Variants in HMGCLL1 observed in about 807,000 individuals in gnomAD.
The protein encoded by HMGCLL1 is 3-hydroxymethyl-3-methylglutaryl-CoA lyase, cytoplasmic.
A neutral mutation model predicts 39.1 loss-of-function variants in HMGCLL1; 36 were observed. The ratio of observed to expected loss-of-function variants is 0.92; its 90% CI spans 0.71 to 1.22. The LOEUF (loss-of-function observed/expected upper bound fraction) is 1.22, where lower values mean the gene tolerates loss of function less well. HMGCLL1 is among the 50% of genes most tolerant of loss of function. HMGCLL1 has a pLI of 0.00. For synonymous variants in HMGCLL1, 149 were observed against 144.0 expected (o/e 1.03, Z -0.25); for missense variants, 451 against 416.5 (o/e 1.08, Z -0.72).
Position 55,574,799 on chromosome 6 carries a change from T to C in HMGCLL1, c.108+4149A>G, listed in dbSNP as rs577198767. 3.9e-5 allele frequency among the ~76,000 whole-genome samples: 6 copies of C among 152,152 alleles called. No individual in the cohort carries two copies. In the South Asian group the frequency reaches 1.2e-3, roughly 31 times the overall value. ...TTATTACATTTAAGCAGAAATATAA[T>C]ACATTTAAATTCCAGAGACCCTTTA... is the stretch of plus-strand genomic sequence containing the variant. On this transcript the variant is annotated intron_variant, in intron 1 of 8. Coordinates refer to ENST00000274901, the MANE Select transcript of HMGCLL1 (RefSeq NM_001042406.2).
chr6:55,531,672 A>G (rs1053238099), intron 3 of HMGCLL1, among the ~76,000 whole-genome samples: 17 of 152,286 alleles, frequency 1.1e-4, no homozygotes, highest in African/African-American at 4.1e-4. Flanking sequence ...GGTGAGCAGC[A>G]GGAGAGCAAG....
intron 7 of HMGCLL1, among the ~76,000 whole-genome samples, chr6:55,440,539 T>C (rs1258880930): frequency 6.6e-6 from 1 of 152,046 alleles, no homozygotes; most frequent in East Asian, 1.9e-4. Flanking sequence ...GTTAATAATA[T>C]GAGAAGAACA....
chr6:55,457,416 G>A (rs1764370776), intron 7 of HMGCLL1, among the ~76,000 whole-genome samples: 1 of 152,132 alleles, frequency 6.6e-6, no homozygotes, highest in South Asian at 2.1e-4. Context: ...ACTTGTTAAG[G>A]AGGATTTTCC....
chr6:55,527,407 G>T (rs1768378387), intron 3 of HMGCLL1, among the ~76,000 whole-genome samples: 1 of 152,024 alleles, frequency 6.6e-6, no homozygotes, highest in Non-Finnish European at 1.5e-5. Flanking sequence ...ATCCTAACAA[G>T]TTTGGGAATC....
chr6:55,554,627 G>A (rs1770552898), intron 1 of HMGCLL1, among the ~76,000 whole-genome samples: 1 of 151,902 alleles, frequency 6.6e-6, no homozygotes, highest in South Asian at 2.1e-4. Context: ...AAATTATAAG[G>A]GCAATGAAAT....
At chr6:55,482,756 T>C (rs976968090) in intron 7 of HMGCLL1, among the ~76,000 whole-genome samples, 8 of 152,084 alleles carry the variant, frequency 5.3e-5, no homozygotes, top group African/African-American at 1.9e-4. Flanking sequence ...TCTCAAAGCA[T>C]CCTCTTCAAA....
chr6:55,459,362 A>G (rs958504823), intron 7 of HMGCLL1, among the ~76,000 whole-genome samples: 2 of 152,156 alleles, frequency 1.3e-5, no homozygotes, highest in Non-Finnish European at 2.9e-5. Flanking sequence ...GAAGAAAATT[A>G]TTTTAGACTG....
intron 1 of HMGCLL1, among the ~76,000 whole-genome samples, chr6:55,571,376 T>A (rs183228777): frequency 2.0e-4 from 31 of 152,314 alleles, no homozygotes; most frequent in Admixed American, 1.8e-3. Context: ...CTTTAAAATA[T>A]ATATTTTGCT....
the HMGCLL1 span, among the ~76,000 whole-genome samples, chr6:55,617,634 G>A: frequency 4.8e-4 from 73 of 152,074 alleles, no homozygotes; most frequent in Non-Finnish European, 8.1e-4. Flanking sequence ...AACACCGTTG[G>A]TTGGCGAGAA....
chr6:55,441,152 G>A (rs1046303485), intron 7 of HMGCLL1, among the ~76,000 whole-genome samples: 1 of 152,030 alleles, frequency 6.6e-6, no homozygotes. Flanking sequence ...GGAGTGGGGT[G>A]GGGGTCAGTG....
At chr6:55,563,733 G>A (rs1198317731) in intron 1 of HMGCLL1, 1 of 470,996 alleles carries the variant, frequency 2.1e-6, no homozygotes, top group African/African-American at 2.0e-5. Context: ...AGCTAAATAA[G>A]AGTTCATACA....
At chr6:55,640,605 G>A in the HMGCLL1 span, among the ~76,000 whole-genome samples, 5 of 151,748 alleles carry the variant, frequency 3.3e-5, no homozygotes, top group Non-Finnish European at 7.4e-5. Context: ...AAAGGAGAGA[G>A]TGATATTTGA....
At chr6:55,477,927 C>T (rs1035012306) in intron 7 of HMGCLL1, among the ~76,000 whole-genome samples, 1 of 150,910 alleles carries the variant, frequency 6.6e-6, no homozygotes, top group Non-Finnish European at 1.5e-5. Flanking sequence ...TTGTAAAAAT[C>T]AAACAGAGTC....
Position 55,435,668 on chromosome 6 carries a change from A to G in HMGCLL1, c.1017T>C (p.Asn339=). The change falls in exon 9 of 9, where the codon AAT becomes AAC. Residue 339 remains asparagine, a synonymous_variant. Transcript: ENST00000274901. ...CGTCATAAATCCATTCAAGTCAAGC[A>G]TTGAAGGAGGCTTGTGCTACTTTAG... The part of the protein sequence containing the change: ...TNSKVAQASF[N]A 2 of 1,579,524 alleles carry G rather than the reference A, an allele frequency of 1.3e-6. No individual in the cohort carries two copies. Among genetic ancestry groups the G allele is most frequent in the Non-Finnish European group, 1.7e-6 (2 of 1,155,068 alleles).
At chr6:55,612,875 G>A in the HMGCLL1 span, among the ~76,000 whole-genome samples, 1 of 152,070 alleles carries the variant, frequency 6.6e-6, no homozygotes, top group African/African-American at 2.4e-5. Context: ...ATACCATTCA[G>A]GGTCATAGGC....
At chr6:55,514,539 T>C (rs546367818) in intron 4 of HMGCLL1, among the ~76,000 whole-genome samples, 16 of 152,260 alleles carry the variant, frequency 1.1e-4, no homozygotes, top group African/African-American at 3.6e-4. Flanking sequence ...ATAAAACCCT[T>C]ATCCTCCATG....
the HMGCLL1 span, among the ~76,000 whole-genome samples, chr6:55,667,507 T>G: frequency 4.0e-5 from 6 of 151,824 alleles, no homozygotes; most frequent in East Asian, 7.8e-4. Flanking sequence ...AGCTAATAAG[T>G]GACAAGAAAC....
At chr6:55,457,548 T>C (rs748985141) in intron 7 of HMGCLL1, among the ~76,000 whole-genome samples, 21 of 152,280 alleles carry the variant, frequency 1.4e-4, no homozygotes, top group South Asian at 2.1e-4. Context: ...GAGAAATTCA[T>C]TGGTTCCCTT....
intron 7 of HMGCLL1, among the ~76,000 whole-genome samples, chr6:55,492,827 C>T (rs563825316): frequency 1.3e-5 from 2 of 152,026 alleles, no homozygotes; most frequent in African/African-American, 2.4e-5. Context: ...CCTTCTGCCC[C>T]AGAGTCCCAG....
Sources: gnomAD v4.1 joint callset for allele counts (sites outside exome capture counted in the v4.1 genomes callset) on GRCh38, gnomAD v4.1.1 for gene constraint, MANE v1.5 for transcripts, NCBI Gene and HGNC (gene_info 2026-07-23, HGNC 2026-07-21) for gene names.